Variants in NEDD9 observed in about 807,000 individuals in gnomAD.
NEDD9 encodes neural precursor cell expressed, developmentally down-regulated 9, also known as enhancer of filamentation 1.
Under a neutral mutation model 76.6 loss-of-function variants are expected in NEDD9, and 26 were observed. The observed-to-expected ratio is 0.34, with a 90% CI of 0.25 to 0.47. NEDD9 has a LOEUF of 0.47. Among genes scored for constraint, NEDD9 ranks in the 20% least tolerant of loss-of-function variants. The pLI is 1.00. For missense variants in NEDD9, 937 were observed against 1,058.5 expected, an observed-to-expected ratio of 0.89 and a Z score of 1.59; for synonymous variants, 392 against 414.2, an observed-to-expected ratio of 0.95 and a Z score of 0.65.
intron 3 of NEDD9, among the ~76,000 whole-genome samples, chr6:11,246,554 C>T (rs560078424): frequency 1.3e-5 from 2 of 152,300 alleles, no homozygotes; most frequent in South Asian, 4.1e-4. Flanking sequence ...TGACAGGCTG[C>T]GGTTTAACCA....
At chr6:11,348,262 T>C (rs1238628056) in intron 1 of NEDD9, among the ~76,000 whole-genome samples, 2 of 152,098 alleles carry the variant, frequency 1.3e-5, no homozygotes, top group Non-Finnish European at 2.9e-5. Flanking sequence ...TACAAAACAC[T>C]GCTCAAAGAA....
chr6:11,266,796 CAAGCCAAGTCAGGCTATTTG>C (rs991884272), intron 3 of NEDD9, among the ~76,000 whole-genome samples: 1 of 152,150 alleles, frequency 6.6e-6, no homozygotes, highest in African/African-American at 2.4e-5. Context: ...ACTGGCTGAA[CAAGCCAAGTCAGGCTATTTG>C]AAGTCTCTGG....
intron 3 of NEDD9, among the ~76,000 whole-genome samples, chr6:11,259,935 A>ACACACACAC (rs139640152): frequency 3.5e-5 from 5 of 142,508 alleles, no homozygotes; most frequent in Non-Finnish European, 6.1e-5. Flanking sequence ...CTGCGCCCTT[A>ACACACACAC]ACACACACAC....
intron 1 of NEDD9, among the ~76,000 whole-genome samples, chr6:11,355,519 G>T (rs1445326663): frequency 6.6e-6 from 1 of 152,136 alleles, no homozygotes; most frequent in African/African-American, 2.4e-5. Context: ...GACTGTCCCT[G>T]TTTTAAAACT....
At position 11,190,513 on chromosome 6, in the gene NEDD9, C is replaced by T; in HGVS notation, c.1356G>A (p.Val452=). The T allele has an allele frequency of 6.2e-6, 10 of 1,614,162 alleles. No homozygotes were observed. The highest frequency in any genetic ancestry group is 8.5e-6 in the Non-Finnish European group (10 of 1,180,026). Residue 452 remains valine (V), a synonymous_variant, in exon 5 of 7, where the codon GTG becomes GTA. Coordinates refer to ENST00000379446, the MANE Select transcript of NEDD9 (RefSeq NM_006403.4). This position sits in a 1 kb window ranked among gnomAD's most constrained non-coding sequence, Gnocchi z 5.8. ...ERHINEIRTA[V]DKVELFLKEY... ...CCTTCAGGAACAGCTCCACCTTGTC[C>T]ACTGCTGTGCGTATTTCATTGATGT... is the stretch of plus-strand genomic sequence containing the variant.
intron 1 of NEDD9, among the ~76,000 whole-genome samples, chr6:11,376,114 G>A (rs868585247): frequency 2.0e-5 from 3 of 152,340 alleles, no homozygotes; most frequent in Middle Eastern, 3.4e-3. Context: ...GTGAGCCACC[G>A]TGCCCGGTCC....
At position 11,221,884 on chromosome 6, in the gene NEDD9, CA is replaced by C. The variant is rs956400877; in HGVS notation, c.13-8158del. 1.3e-3 allele frequency among the ~76,000 whole-genome samples: 202 copies of C among 152,098 alleles called. 19 individuals carry two copies. Among genetic ancestry groups the C allele is most frequent in the Non-Finnish European group, 5.9e-5 (4 of 68,012 alleles). On this transcript the variant is annotated intron_variant, in intron 1 of 6. Transcript: ENST00000379446. Reference sequence around the variant, plus strand: ...AAGATAGATTTTATTAACAATAAAACAACCATCTGGATTTCAGCCAGCATTA... The same window carrying C: ...AAGATAGATTTTATTAACAATAAAACACCATCTGGATTTCAGCCAGCATTA...
Position 11,241,646 on chromosome 6 carries a change from GT to G in NEDD9, c.13-27920del, listed in dbSNP as rs1309965660. 3.9e-5 allele frequency among the ~76,000 whole-genome samples: 6 copies of G among 152,168 alleles called. No homozygotes were observed. The highest frequency in any genetic ancestry group is 1.4e-4 in the African/African-American group (6 of 41,430). ...AGTACACAATGGGGGAGAAGGGAGT[GT>G]TTTAAACACCAAATGGCCACTAGTA... is the stretch of plus-strand genomic sequence containing the variant. On this transcript the variant is annotated intron_variant, in intron 3 of 3. Coordinates refer to the NEDD9 transcript ENST00000397378. This position sits in a 1 kb window ranked among gnomAD's most constrained non-coding sequence, Gnocchi z 4.0.
At chr6:11,220,593 C>T (rs779010380) in intron 1 of NEDD9, among the ~76,000 whole-genome samples, 1 of 152,196 alleles carries the variant, frequency 6.6e-6, no homozygotes, top group Non-Finnish European at 1.5e-5. Context: ...ACTGGCCAAT[C>T]CTGTCTGATG....
At chr6:11,345,559 T>A (rs1762349495) in intron 1 of NEDD9, among the ~76,000 whole-genome samples, 2 of 152,284 alleles carry the variant, frequency 1.3e-5, no homozygotes, top group South Asian at 2.1e-4. Context: ...CACATCCCTA[T>A]GCTGTGATAG....
At chr6:11,310,186 C>T (rs4437462) in intron 2 of NEDD9, among the ~76,000 whole-genome samples, 24,756 of 152,164 alleles carry the variant, frequency 0.16, 2,145 homozygotes, top group African/African-American at 0.22. Flanking sequence ...GCCTGCAGCT[C>T]ATTAGTATGG....
At position 11,190,239 on chromosome 6, in the gene NEDD9, G is replaced by C; in HGVS notation, c.1630C>G (p.Gln544Glu). Residue 544 changes from glutamine to glutamate, a missense_variant, in exon 5 of 7, where the codon CAG (glutamine) becomes GAG (glutamate). Gln to Glu is a conservative substitution (Grantham distance 29). Transcript: ENST00000379446. The surrounding 1 kb of genome is among the most constrained non-coding windows in gnomAD (Gnocchi z 5.8). The stretch of plus-strand genomic sequence containing the variant: ...TTGGTGTTGATGGTTGTGGTGAGCT[G>C]CTTGGCGTCATCGGGCACCGTCTTT... Reference protein sequence around the residue: ...VAKTVPDDAKQLTTTINTNAE... With the variant: ...VAKTVPDDAKELTTTINTNAE... 1.9e-6 allele frequency: 3 copies of C among 1,614,238 alleles called. No homozygotes were observed. Among genetic ancestry groups the C allele is most frequent in the Non-Finnish European group, 2.5e-6 (3 of 1,180,044 alleles).
chr6:11,364,477 A>G (rs1271327332), intron 1 of NEDD9, among the ~76,000 whole-genome samples: 3 of 152,118 alleles, frequency 2.0e-5, no homozygotes. Flanking sequence ...CATTATAATT[A>G]TCTCCATTTT....
intron 2 of NEDD9, among the ~76,000 whole-genome samples, 168 bp from the exon 3 acceptor site, chr6:11,193,860 CTT>C (rs772630193): frequency 1.1e-4 from 15 of 141,256 alleles, no homozygotes; most frequent in Middle Eastern, 3.6e-3. Flanking sequence ...CGTTAGTAAA[CTT>C]TTTTTTTTTT....
chr6:11,275,033 G>A (rs1393409068), intron 3 of NEDD9, among the ~76,000 whole-genome samples: 3 of 152,140 alleles, frequency 2.0e-5, no homozygotes, highest in Non-Finnish European at 4.4e-5. Flanking sequence ...TAAAGAAAAC[G>A]CAGGACATAT....
At chr6:11,250,741 A>C (rs1032475970) in intron 3 of NEDD9, among the ~76,000 whole-genome samples, 3 of 152,218 alleles carry the variant, frequency 2.0e-5, no homozygotes, top group Non-Finnish European at 4.4e-5. Flanking sequence ...AGAGCCCCAC[A>C]TCCCGTCTCT....
intron 1 of NEDD9, among the ~76,000 whole-genome samples, chr6:11,358,519 C>T (rs11751505): frequency 0.2 from 30,455 of 152,048 alleles, 3,142 homozygotes; most frequent in African/African-American, 0.24. Context: ...ATAAATAAAA[C>T]GGAGCGTTTA....
chr6:11,282,601 C>T (rs1760556652), intron 3 of NEDD9, among the ~76,000 whole-genome samples: 1 of 152,232 alleles, frequency 6.6e-6, no homozygotes, highest in African/African-American at 2.4e-5. Flanking sequence ...CAGTAAATGG[C>T]ATTCTCCTTT....
chr6:11,188,953 T>C (rs1003542772), intron 5 of NEDD9, among the ~76,000 whole-genome samples: 7 of 151,716 alleles, frequency 4.6e-5, no homozygotes, highest in Non-Finnish European at 8.8e-5. Flanking sequence ...GTAGATTTTT[T>C]TTTTTTTTTC....
Sources: allele counts gnomAD v4.1 joint callset (sites outside exome capture counted in the v4.1 genomes callset), GRCh38; gene constraint gnomAD v4.1.1; non-coding constraint Gnocchi (gnomAD v3.1); transcripts MANE v1.5; gene names NCBI Gene and HGNC (gene_info 2026-07-23, HGNC 2026-07-21).